Variants in IL1RAPL1 observed in about 807,000 individuals in gnomAD.
IL1RAPL1 encodes interleukin 1 receptor accessory protein like 1.
A neutral mutation model predicts 48.4 loss-of-function variants in IL1RAPL1; 3 were observed. The observed-to-expected ratio is 0.06, with a 90% CI of 0.03 to 0.16. The LOEUF is 0.16. IL1RAPL1 is among the 10% of genes least tolerant of loss of function. The pLI is 1.00. For synonymous variants in IL1RAPL1, 185 were observed against 187.7 expected (o/e 0.99, Z 0.12); for missense variants, 349 against 530.6 (o/e 0.66, Z 3.36).
At chrX:28,958,143 A>G (rs73454704) in intron 2 of IL1RAPL1, among the ~76,000 whole-genome samples, 1 of 109,826 alleles carries the variant, frequency 9.1e-6, no homozygotes, top group African/African-American at 3.3e-5. Context: ...CTTGAAATCT[A>G]TTTTTTTTAG....
chrX:29,584,893 G>A (rs1282993264), intron 5 of IL1RAPL1, among the ~76,000 whole-genome samples: 2 of 111,877 alleles, frequency 1.8e-5, no homozygotes, highest in South Asian at 3.7e-4. Context: ...ACACACAGCT[G>A]ATCAATCTGT....
At chrX:29,616,614 A>G (rs1021827293) in intron 5 of IL1RAPL1, among the ~76,000 whole-genome samples, 1 of 109,789 alleles carries the variant, frequency 9.1e-6, no homozygotes, top group East Asian at 2.9e-4. Flanking sequence ...TTTGCTGAGA[A>G]TGATGGTTTC....
chrX:28,770,753 T>G (rs1253848835), intron 1 of IL1RAPL1, among the ~76,000 whole-genome samples: 1 of 112,335 alleles, frequency 8.9e-6, no homozygotes, highest in Non-Finnish European at 1.9e-5. Context: ...AAAGCTATCC[T>G]TTGTATGCAT....
intron 1 of IL1RAPL1, among the ~76,000 whole-genome samples, chrX:28,644,385 G>A (rs1934583481): frequency 9.0e-6 from 1 of 111,664 alleles, no homozygotes; most frequent in East Asian, 2.8e-4. Context: ...ATATTCTTAT[G>A]ATTTCTGTTT....
chrX:28,733,789 T>A (rs774906228), intron 1 of IL1RAPL1, among the ~76,000 whole-genome samples: 21 of 111,691 alleles, frequency 1.9e-4, no homozygotes, highest in Admixed American at 3.8e-4. Context: ...TTTGACTAAT[T>A]TATTTTCTGT....
intron 5 of IL1RAPL1, among the ~76,000 whole-genome samples, chrX:29,481,092 AT>A (rs1254931248): frequency 6.2e-5 from 7 of 112,490 alleles, no homozygotes; most frequent in African/African-American, 2.3e-4. Context: ...ATATTCTAAA[AT>A]CAGCCAATAA....
At chrX:29,585,414 A>T (rs1923122210) in intron 5 of IL1RAPL1, among the ~76,000 whole-genome samples, 1 of 112,141 alleles carries the variant, frequency 8.9e-6, no homozygotes, top group Non-Finnish European at 1.9e-5. Context: ...TATGTATCAC[A>T]TCCTCTTTAT....
chrX:29,666,954 C>T (rs1428139447), intron 5 of IL1RAPL1, among the ~76,000 whole-genome samples: 1 of 111,340 alleles, frequency 9.0e-6, no homozygotes, highest in East Asian at 2.8e-4. Context: ...AACTATTTTG[C>T]CAATATTTAG....
At chrX:29,712,094 C>CTTT (rs57292754) in intron 6 of IL1RAPL1, among the ~76,000 whole-genome samples, 1 of 99,561 alleles carries the variant, frequency 1.0e-5, no homozygotes. Context: ...AAATTTTCTT[C>CTTT]TTTTTTTTTT....
At chrX:28,768,685 G>GTCTCTCTC (rs1201931623) in intron 1 of IL1RAPL1, among the ~76,000 whole-genome samples, 2 of 37,836 alleles carry the variant, frequency 5.3e-5, no homozygotes, top group African/African-American at 1.7e-4. Flanking sequence ...GGCTCTCTCT[G>GTCTCTCTC]TCTCTCTCTC....
At position 29,101,335 on chromosome X, in the gene IL1RAPL1, A is replaced by G. The variant is rs774427295; in HGVS notation, c.83-181603A>G. Among the ~76,000 whole-genome samples the G allele has an allele frequency of 6.7e-4, 75 of 112,071 alleles. No homozygotes were observed. In the Middle Eastern group the frequency reaches 0.014, roughly 21 times the overall value. ...TTCAAAACCTGAACAGACCAATAAC[A>G]AGTAATGAGATCGAAGCTGTAATAA... On this transcript the variant is annotated intron_variant, in intron 2 of 10. Coordinates refer to ENST00000378993, the MANE Select transcript of IL1RAPL1 (RefSeq NM_014271.4).
chrX:28,801,149 G>A (rs1294141092), intron 2 of IL1RAPL1, among the ~76,000 whole-genome samples: 1 of 110,304 alleles, frequency 9.1e-6, no homozygotes, highest in Non-Finnish European at 1.9e-5. Flanking sequence ...CCAAAGTGCT[G>A]GGATTACAGG....
intron 2 of IL1RAPL1, among the ~76,000 whole-genome samples, chrX:28,938,166 A>G (rs1213303491): frequency 9.0e-6 from 1 of 111,695 alleles, no homozygotes; most frequent in Non-Finnish European, 1.9e-5. Context: ...ACAAAAAATA[A>G]TTTTAAAATT....
At chrX:29,122,409 TCACACACACA>T (rs59677285) in intron 2 of IL1RAPL1, among the ~76,000 whole-genome samples, 162 of 64,591 alleles carry the variant, frequency 2.5e-3, no homozygotes, top group African/African-American at 0.012. Flanking sequence ...TCTCTCTCTC[TCACACACACA>T]CACACACACA....
At chrX:29,449,046 C>G (rs767568942) in intron 5 of IL1RAPL1, among the ~76,000 whole-genome samples, 8 of 111,498 alleles carry the variant, frequency 7.2e-5, no homozygotes, top group African/African-American at 2.6e-4. Context: ...GGGGTTAGTG[C>G]TTCAATATAT....
At chrX:29,095,279 A>G (rs12396989) in intron 2 of IL1RAPL1, among the ~76,000 whole-genome samples, 24,503 of 110,240 alleles carry the variant, frequency 0.22, 2,469 homozygotes, top group African/African-American at 0.39. Flanking sequence ...AGTTATAGTG[A>G]TGGTGTGGAA....
intron 1 of IL1RAPL1, among the ~76,000 whole-genome samples, chrX:28,621,743 A>G (rs1934287121): frequency 8.9e-6 from 1 of 111,843 alleles, no homozygotes; most frequent in African/African-American, 3.3e-5. Flanking sequence ...CAGACTAGGA[A>G]TGTCTTTAGG....
intron 2 of IL1RAPL1, among the ~76,000 whole-genome samples, chrX:28,960,728 G>C (rs1924745721): frequency 9.0e-6 from 1 of 111,425 alleles, no homozygotes; most frequent in Admixed American, 9.5e-5. Flanking sequence ...TGGGTAAAGG[G>C]CCGGGCGCCG....
intron 2 of IL1RAPL1, among the ~76,000 whole-genome samples, chrX:29,050,963 A>G (rs1305254507): frequency 1.8e-5 from 2 of 112,592 alleles, no homozygotes; most frequent in Admixed American, 1.9e-4. Flanking sequence ...AATTCTAGGA[A>G]TAGATCAGTC....
Sources: allele counts gnomAD v4.1 joint callset (sites outside exome capture counted in the v4.1 genomes callset), GRCh38; gene constraint gnomAD v4.1.1; transcripts MANE v1.5; gene names NCBI Gene and HGNC (gene_info 2026-07-23, HGNC 2026-07-21).